Variants in POT1 observed in about 807,000 individuals in gnomAD.
POT1 encodes the protein protection of telomeres protein 1.
Under a neutral mutation model 78.5 loss-of-function variants are expected in POT1, and 47 were observed. The ratio of observed to expected loss-of-function variants is 0.60; its 90% CI spans 0.47 to 0.76. The LOEUF (loss-of-function observed/expected upper bound fraction) is 0.76. Among genes scored for constraint, POT1 ranks in the 30% least tolerant of loss-of-function variants. The pLI is 0.00. For missense variants in POT1, 646 were observed against 749.9 expected (o/e 0.86, Z 1.62); for synonymous variants, 259 against 260.7 (o/e 0.99, Z 0.06).
chr7:124,844,409 G>A (rs1269869058), intron 12 of POT1, among the ~76,000 whole-genome samples: 2 of 149,402 alleles, frequency 1.3e-5, no homozygotes, highest in South Asian at 2.1e-4. Context: ...GATTACGGGC[G>A]TGAGCCACTG....
At chr7:124,864,467 CT>C (rs1264309185) in intron 7 of POT1, among the ~76,000 whole-genome samples, 1 of 151,916 alleles carries the variant, frequency 6.6e-6, no homozygotes, top group East Asian at 1.9e-4. Context: ...ATTTGTTTTC[CT>C]TTTTTTCATA....
At chr7:124,911,669 AAGT>A (rs772459559) in intron 3 of POT1, among the ~76,000 whole-genome samples, 5 of 152,164 alleles carry the variant, frequency 3.3e-5, no homozygotes, top group Non-Finnish European at 5.9e-5. Flanking sequence ...TCTTTGTTCA[AAGT>A]AGAAGTGAGA....
chr7:124,900,574 C>A (rs1796594235), intron 3 of POT1, among the ~76,000 whole-genome samples: 1 of 152,030 alleles, frequency 6.6e-6, no homozygotes. Flanking sequence ...CTCTACAGCT[C>A]CCAGTGTGAG....
At chr7:124,864,238 T>C (rs1417778006) in intron 7 of POT1, among the ~76,000 whole-genome samples, 1 of 152,192 alleles carries the variant, frequency 6.6e-6, no homozygotes, top group African/African-American at 2.4e-5. Context: ...CGTAGTAATA[T>C]CGTTACTTCA....
chr7:124,882,060 A>C (rs1796131957), intron 6 of POT1, among the ~76,000 whole-genome samples: 1 of 151,996 alleles, frequency 6.6e-6, no homozygotes, highest in Non-Finnish European at 1.5e-5. Flanking sequence ...ATCTTGAGCA[A>C]TTCAACGAAT....
rs4728010 is a variant in POT1 at position 124,841,366 on chromosome 7, T to A, written c.1164-188A>T. ...CAAATAACTTTTTTTCAATAGATAATTATTTGATATTTTGTGGGTAAGTAT... is the reference window on the plus strand; with the variant it reads ...CAAATAACTTTTTTTCAATAGATAAATATTTGATATTTTGTGGGTAAGTAT... On this transcript the variant is annotated intron_variant, in intron 13 of 18. Coordinates refer to ENST00000357628, the MANE Select transcript of POT1 (RefSeq NM_015450.3). Among the ~76,000 whole-genome samples the A allele has an allele frequency of 0.4, 60,261 of 151,452 alleles. 12,058 individuals carry two copies. The highest frequency in any genetic ancestry group is 0.49 in the East Asian group (2,539 of 5,134).
At chr7:124,836,114 G>A (rs1407204391) in intron 14 of POT1, among the ~76,000 whole-genome samples, 1 of 152,170 alleles carries the variant, frequency 6.6e-6, no homozygotes, top group Non-Finnish European at 1.5e-5. Context: ...CAATTATAAA[G>A]GAGAAGCACT....
chr7:124,858,879 A>G, intron 9 of POT1, 78 bp downstream of exon 9: 2 of 1,007,486 alleles, frequency 2.0e-6, no homozygotes, highest in East Asian at 2.6e-5. Context: ...ATGTAACCAT[A>G]TATAAAAAAT....
intron 15 of POT1, among the ~76,000 whole-genome samples, chr7:124,830,189 A>G (rs1048209533): frequency 5.9e-5 from 9 of 152,316 alleles, no homozygotes; most frequent in African/African-American, 2.2e-4. Flanking sequence ...AAGACTACAC[A>G]ATACACTAAA....
intron 18 of POT1, 74 bp downstream of exon 18, chr7:124,825,178 G>C: frequency 1.1e-6 from 1 of 893,776 alleles, no homozygotes; most frequent in Non-Finnish European, 1.7e-6. Context: ...ACTTCTAAAA[G>C]TCCACAGAGT....
chr7:124,858,934 C>T (rs1795512400), intron 9 of POT1, 23 bp downstream of exon 9: 1 of 1,539,166 alleles, frequency 6.5e-7, no homozygotes, highest in Non-Finnish European at 8.8e-7. Context: ...CATAAAATAA[C>T]ATTTTTTCCT....
intron 2 of POT1, among the ~76,000 whole-genome samples, chr7:124,921,823 C>T (rs754265769): frequency 1.3e-5 from 2 of 151,822 alleles, no homozygotes; most frequent in African/African-American, 2.4e-5. Flanking sequence ...AACATACACA[C>T]GTAATTGGCA....
chr7:124,852,177 A>G (rs1272950695), intron 10 of POT1, among the ~76,000 whole-genome samples: 2 of 152,184 alleles, frequency 1.3e-5, no homozygotes, highest in African/African-American at 4.8e-5. Flanking sequence ...ATGAAATAAT[A>G]CAAACAAAAA....
intron 6 of POT1, among the ~76,000 whole-genome samples, chr7:124,884,649 AAAG>A (rs769250569): frequency 2.6e-4 from 40 of 152,248 alleles, no homozygotes; most frequent in Non-Finnish European, 4.6e-4. Flanking sequence ...GAAAGAACAA[AAAG>A]AAGGAGAGGC....
In POT1 at chr7:124,886,479, C is replaced by A. The variant is rs561725398; in HGVS notation, c.124+5787G>T. On this transcript the variant is annotated intron_variant, in intron 6 of 18. Coordinates refer to ENST00000357628, the MANE Select transcript of POT1 (RefSeq NM_015450.3). ...TGCTATTTCTCTAATATAACTGTAA[C>A]TGAAGTTACTAGAGAGAGTTTTAAA... 2.0e-5 allele frequency among the ~76,000 whole-genome samples: 3 copies of A among 152,206 alleles called. No individual in the cohort carries two copies. The East Asian group carries it at 5.8e-4, about 29-fold the overall frequency.
chr7:124,848,661 T>TAA (rs1795230482), intron 11 of POT1: 1 of 111,044 alleles, frequency 9.0e-6, no homozygotes. Flanking sequence ...AGACTCCATC[T>TAA]CAAAAGAAAA....
At chr7:124,828,784 A>G (rs541721041) in intron 16 of POT1, among the ~76,000 whole-genome samples, 1 of 152,336 alleles carries the variant, frequency 6.6e-6, no homozygotes, top group East Asian at 1.9e-4. Context: ...TCACTGGACC[A>G]CAAATAAAAC....
intron 6 of POT1, among the ~76,000 whole-genome samples, chr7:124,876,570 C>A (rs968649760): frequency 6.6e-6 from 1 of 152,158 alleles, no homozygotes; most frequent in Non-Finnish European, 1.5e-5. Context: ...GGTGCACCTG[C>A]TTCCCCACAA....
rs953272477 is a variant in POT1, at chr7:124,907,662, C to T, written c.-154+7912G>A. ...TAAACCCTAATGTAAACCATGGACT[C>T]TGAGTGATAATGATGTCATTGCAGG... On this transcript the variant is annotated intron_variant, in intron 3 of 18. Transcript: ENST00000357628. Among the ~76,000 whole-genome samples, 2 of 152,022 alleles carry T rather than the reference C, an allele frequency of 1.3e-5. 1 individual carries two copies. The highest frequency in any genetic ancestry group is 2.9e-5 in the Non-Finnish European group (2 of 67,970).
Sources: allele counts gnomAD v4.1 joint callset (sites outside exome capture counted in the v4.1 genomes callset), GRCh38; gene constraint gnomAD v4.1.1; transcripts MANE v1.5; gene names NCBI Gene and HGNC (gene_info 2026-07-23, HGNC 2026-07-21).